Variants in NELL2 observed in about 807,000 individuals in gnomAD.
NELL2 encodes protein kinase C-binding protein NELL2.
In NELL2, 41 loss-of-function variants were observed where a neutral mutation model predicts 109.6. The observed-to-expected ratio is 0.37, with a 90% CI of 0.29 to 0.49. The LOEUF is 0.49. Among genes scored for constraint, NELL2 ranks in the 20% least tolerant of loss-of-function variants. NELL2 has a pLI of 0.98. For missense variants in NELL2, 900 were observed against 1,008.3 expected (o/e 0.89, Z 1.45); for synonymous variants, 355 against 344.7 (o/e 1.03, Z -0.33).
chr12:44,587,307 A>T (rs377363612), intron 15 of NELL2, among the ~76,000 whole-genome samples: 5,655 of 96,628 alleles, frequency 0.059, 379 homozygotes, highest in African/African-American at 0.12. Flanking sequence ...ATATATATAT[A>T]TTTTTTTTTA....
At chr12:44,782,451 G>T (rs1014607668) in intron 3 of NELL2, among the ~76,000 whole-genome samples, 1 of 151,878 alleles carries the variant, frequency 6.6e-6, no homozygotes, top group African/African-American at 2.4e-5. Flanking sequence ...TTAAAAGAAA[G>T]AGATTAGCAG....
At chr12:44,724,032 T>A (rs1263151770) in intron 9 of NELL2, among the ~76,000 whole-genome samples, 1 of 151,800 alleles carries the variant, frequency 6.6e-6, no homozygotes, top group Non-Finnish European at 1.5e-5. Context: ...AAATGTAGTA[T>A]ATATATACAC....
chr12:44,908,124 G>A (rs947885663), intron 1 of NELL2, among the ~76,000 whole-genome samples: 2 of 152,024 alleles, frequency 1.3e-5, no homozygotes, highest in Admixed American at 6.6e-5. Context: ...ATGGAAATGT[G>A]TGTGGCATGG....
intron 12 of NELL2, among the ~76,000 whole-genome samples, chr12:44,673,051 A>G (rs1948194256): frequency 6.6e-6 from 1 of 152,194 alleles, no homozygotes. Context: ...TATTACTTGG[A>G]GTAGTGTTGT....
At chr12:44,540,709 A>G (rs1272018951) in intron 15 of NELL2, among the ~76,000 whole-genome samples, 4 of 143,640 alleles carry the variant, frequency 2.8e-5, no homozygotes, top group African/African-American at 1.0e-4. Context: ...AGTCCCCTGC[A>G]TTTCAGTCTT....
chr12:44,556,994 T>C (rs536575475), intron 15 of NELL2, among the ~76,000 whole-genome samples: 1 of 152,156 alleles, frequency 6.6e-6, no homozygotes, highest in Non-Finnish European at 1.5e-5. Flanking sequence ...TTAGATATTA[T>C]CCTGAAAGCA....
At chr12:44,803,374 T>C (rs1257021754) in intron 3 of NELL2, among the ~76,000 whole-genome samples, 1 of 152,058 alleles carries the variant, frequency 6.6e-6, no homozygotes, top group Non-Finnish European at 1.5e-5. Flanking sequence ...TGTTGATTCT[T>C]AACTGGAAGG....
At chr12:44,729,737 T>A (rs868831893) in intron 9 of NELL2, among the ~76,000 whole-genome samples, 25 of 151,318 alleles carry the variant, frequency 1.7e-4, no homozygotes, top group African/African-American at 6.1e-4. Context: ...ATTACAGGCA[T>A]GCGCCTGTAC....
At chr12:44,779,204 C>T (rs1941863837) in intron 5 of NELL2, among the ~76,000 whole-genome samples, 1 of 152,224 alleles carries the variant, frequency 6.6e-6, no homozygotes, top group African/African-American at 2.4e-5. Flanking sequence ...TAACTGCTTT[C>T]TCTTTTGACA....
At chr12:44,904,679 C>T (rs1264867954) in intron 1 of NELL2, among the ~76,000 whole-genome samples, 1 of 151,964 alleles carries the variant, frequency 6.6e-6, no homozygotes, top group Non-Finnish European at 1.5e-5. Flanking sequence ...AGCAGTTAGC[C>T]CACCCTAACT....
At chr12:44,582,296 G>A (rs976161632) in intron 15 of NELL2, among the ~76,000 whole-genome samples, 1 of 152,116 alleles carries the variant, frequency 6.6e-6, no homozygotes, top group Non-Finnish European at 1.5e-5. Context: ...GCAGTTGTAT[G>A]TTTTTCCTCC....
intron 12 of NELL2, among the ~76,000 whole-genome samples, chr12:44,702,866 C>T (rs1949270169): frequency 6.6e-6 from 1 of 152,108 alleles, no homozygotes; most frequent in Non-Finnish European, 1.5e-5. Context: ...TCCCGAGAGC[C>T]AACAAATCAT....
In NELL2 at chr12:44,574,173, G is replaced by A. The variant is rs148236640; in HGVS notation, c.1663+32996C>T. On this transcript the variant is annotated intron_variant, in intron 15 of 19. Transcript: ENST00000429094. Reference sequence around the variant, plus strand: ...CTGTCTCTTGGGTTCAAGTGATCTCGGCTCACTGCAACCTCCAGCCCCCTG... The same window carrying A: ...CTGTCTCTTGGGTTCAAGTGATCTCAGCTCACTGCAACCTCCAGCCCCCTG... Among the ~76,000 whole-genome samples the A allele has an allele frequency of 5.1e-4, 78 of 151,554 alleles. 2 individuals are homozygous for A. The East Asian group carries it at 0.013, about 25-fold the overall frequency.
chr12:44,519,897 A>AG, intron 19 of NELL2, 108 bp downstream of exon 19: 2 of 931,786 alleles, frequency 2.1e-6, no homozygotes, highest in Non-Finnish European at 3.2e-6. Context: ...AAAAATAAAC[A>AG]GGAAAAAAAA....
intron 3 of NELL2, among the ~76,000 whole-genome samples, chr12:44,809,009 C>G (rs1477219056): frequency 6.6e-6 from 1 of 151,986 alleles, no homozygotes; most frequent in Non-Finnish European, 1.5e-5. Flanking sequence ...AAGTCAGAAG[C>G]ATAAATAATG....
At chr12:44,743,114 T>G (rs966680264) in intron 9 of NELL2, among the ~76,000 whole-genome samples, 1 of 152,114 alleles carries the variant, frequency 6.6e-6, no homozygotes, top group Non-Finnish European at 1.5e-5. Flanking sequence ...CGGCAGAAAC[T>G]CTACAAGCCA....
chr12:44,609,310 G>A (rs1271842911), intron 14 of NELL2, among the ~76,000 whole-genome samples: 2 of 151,944 alleles, frequency 1.3e-5, no homozygotes, highest in African/African-American at 4.8e-5. Context: ...TGATAATCGG[G>A]AAGGCTACTA....
At chr12:44,829,226 TGATGAA>T (rs922116383) in intron 2 of NELL2, among the ~76,000 whole-genome samples, 5 of 152,120 alleles carry the variant, frequency 3.3e-5, no homozygotes, top group African/African-American at 7.2e-5. Flanking sequence ...TAAGTGATGT[TGATGAA>T]GATGAAGATG....
intron 12 of NELL2, among the ~76,000 whole-genome samples, chr12:44,683,998 C>G (rs886682124): frequency 2.0e-5 from 3 of 152,152 alleles, no homozygotes; most frequent in Non-Finnish European, 4.4e-5. Flanking sequence ...AGGAATGGTA[C>G]CAGTTCCTCC....
Sources: gnomAD v4.1 joint callset for allele counts (sites outside exome capture counted in the v4.1 genomes callset) on GRCh38, gnomAD v4.1.1 for gene constraint, MANE v1.5 for transcripts, NCBI Gene and HGNC (gene_info 2026-07-23, HGNC 2026-07-21) for gene names.